The following RB1CC1 variants were observed in gnomAD, a reference collection of about 807,000 sequenced individuals.
RB1CC1 encodes the protein RB1-inducible coiled-coil protein 1.
RB1CC1 carries 46 observed loss-of-function variants against 177.5 expected under a neutral mutation model. The ratio of observed to expected loss-of-function variants is 0.26; its 90% CI spans 0.20 to 0.33. RB1CC1 has a LOEUF of 0.33. Among genes scored for constraint, RB1CC1 ranks in the 10% least tolerant of loss-of-function variants. The pLI, the probability that RB1CC1 is intolerant of heterozygous loss-of-function variation, is 1.00. For synonymous variants in RB1CC1, 666 were observed against 613.6 expected (o/e 1.09, Z -1.26); for missense variants, 1,703 against 1,816.3 (o/e 0.94, Z 1.13).
chr8:52,654,649 C>G (rs191361996), intron 15 of RB1CC1, among the ~76,000 whole-genome samples: 64 of 152,288 alleles, frequency 4.2e-4, no homozygotes, highest in Admixed American at 1.4e-3. Flanking sequence ...TTCAATCAGG[C>G]TCCTCTAGGC....
intron 1 of RB1CC1, among the ~76,000 whole-genome samples, chr8:52,698,236 C>T (rs1855630324): frequency 6.6e-6 from 1 of 151,994 alleles, no homozygotes; most frequent in African/African-American, 2.4e-5. Context: ...ACTACCATGC[C>T]CAGCTAATTT....
At chr8:52,704,637 G>A (rs1418415070) in intron 1 of RB1CC1, among the ~76,000 whole-genome samples, 1 of 151,974 alleles carries the variant, frequency 6.6e-6, no homozygotes, top group Non-Finnish European at 1.5e-5. Flanking sequence ...GCAACTTTGG[G>A]AATGCTTATT....
intron 1 of RB1CC1, among the ~76,000 whole-genome samples, chr8:52,691,299 T>G (rs17252559): frequency 0.085 from 12,898 of 152,162 alleles, 752 homozygotes; most frequent in South Asian, 0.25. Context: ...TGAGGGAAAC[T>G]CCAATAAGCT....
intron 1 of RB1CC1, among the ~76,000 whole-genome samples, chr8:52,702,900 G>C (rs1352859643): frequency 2.0e-5 from 3 of 152,032 alleles, no homozygotes; most frequent in Non-Finnish European, 4.4e-5. Flanking sequence ...TCTAGGGACA[G>C]GAAGTAACTC....
At chr8:52,632,204 T>C (rs1305504493) in intron 20 of RB1CC1, among the ~76,000 whole-genome samples, 1 of 152,142 alleles carries the variant, frequency 6.6e-6, no homozygotes, top group Non-Finnish European at 1.5e-5. Flanking sequence ...AACCAAGGTC[T>C]TTGAAGCTTG....
At chr8:52,643,919 A>C (rs935383631) in intron 16 of RB1CC1, among the ~76,000 whole-genome samples, 1 of 151,878 alleles carries the variant, frequency 6.6e-6, no homozygotes, top group African/African-American at 2.4e-5. Flanking sequence ...TTTTTAATAA[A>C]ATTTTAATAA....
Position 52,656,802 on chromosome 8 carries a change from G to C in RB1CC1, c.3027C>G (p.Asp1009Glu). ...HIQEFEKVMTDHRVSLEELKK... is the reference protein window; with the variant it reads ...HIQEFEKVMTEHRVSLEELKK... ...TTAATTCCTCCAAAGAAACTCTGTG[G>C]TCTGTCATAACCTTCTCAAACTCTT... is the stretch of plus-strand genomic sequence containing the variant. Residue 1009 changes from aspartate (D) to glutamate (E), a missense_variant, in exon 15 of 24, where the codon GAC becomes GAG. Around this residue, in one of 6 missense-constraint regions of RB1CC1, gnomAD observed 1,169 missense variants for 1,184.7 expected, o/e 0.99. Transcript: ENST00000025008. The C allele has an allele frequency of 6.2e-7, 1 of 1,613,742 alleles. No homozygotes were observed. Among genetic ancestry groups the C allele is most frequent in the Non-Finnish European group, 8.5e-7 (1 of 1,179,952 alleles).
At chr8:52,699,435 TA>T (rs1222015381) in intron 1 of RB1CC1, among the ~76,000 whole-genome samples, 3 of 152,112 alleles carry the variant, frequency 2.0e-5, no homozygotes, top group Non-Finnish European at 4.4e-5. Context: ...GACGTGATGA[TA>T]ACTGAATCAA....
intron 15 of RB1CC1, among the ~76,000 whole-genome samples, chr8:52,655,170 C>T (rs1159491593): frequency 6.6e-6 from 1 of 152,002 alleles, no homozygotes; most frequent in Non-Finnish European, 1.5e-5. Flanking sequence ...TAAAGAGCTT[C>T]TAATTTTAAG....
intron 1 of RB1CC1, among the ~76,000 whole-genome samples, chr8:52,696,879 T>TG (rs1387561596): frequency 6.6e-6 from 1 of 152,108 alleles, no homozygotes; most frequent in Non-Finnish European, 1.5e-5. Context: ...GGTGCACACC[T>TG]GTACTCCCAG....
At chr8:52,680,997 T>TTC (rs761526040) in intron 5 of RB1CC1, among the ~76,000 whole-genome samples, 1 of 146,316 alleles carries the variant, frequency 6.8e-6, no homozygotes, top group African/African-American at 2.5e-5. Flanking sequence ...TGTGTGTGTT[T>TTC]TTTTTTTTTT....
chr8:52,694,066 G>A (rs1258130143), intron 1 of RB1CC1, among the ~76,000 whole-genome samples: 3 of 152,134 alleles, frequency 2.0e-5, no homozygotes, highest in African/African-American at 7.2e-5. Flanking sequence ...GAAACATATA[G>A]AGGAGAACCT....
chr8:52,682,546 TTTC>T (rs1461774769), intron 5 of RB1CC1, among the ~76,000 whole-genome samples: 3 of 152,190 alleles, frequency 2.0e-5, no homozygotes, highest in Non-Finnish European at 4.4e-5. Flanking sequence ...CATTTTATCT[TTTC>T]TTTTTACTTT....
At chr8:52,709,405 A>C (rs1856869335) in intron 1 of RB1CC1, among the ~76,000 whole-genome samples, 3 of 152,168 alleles carry the variant, frequency 2.0e-5, no homozygotes, top group African/African-American at 7.2e-5. Flanking sequence ...GATAAAGTCA[A>C]TTATCCCAGC....
At position 52,657,923 on chromosome 8, in the gene RB1CC1, GAA is replaced by G; in HGVS notation, c.1921-17_1921-16del. 1 of 1,612,638 alleles carries G rather than the reference GAA, an allele frequency of 6.2e-7. No individual in the cohort carries two copies. Among genetic ancestry groups the G allele is most frequent in the Middle Eastern group, 1.7e-4 (1 of 6,056 alleles). ...CTCACAGATGCCTGGAAAACAGAAA[GAA>G]AGGCTTAAAGAGCTGCAGGAACACA... On this transcript the variant is annotated splice_polypyrimidine_tract_variant and intron_variant, in intron 14 of 23. Coordinates refer to ENST00000025008, the MANE Select transcript of RB1CC1 (RefSeq NM_014781.5).
intron 5 of RB1CC1, among the ~76,000 whole-genome samples, chr8:52,682,006 C>T (rs1853787666): frequency 2.0e-5 from 3 of 152,168 alleles, no homozygotes; most frequent in Admixed American, 2.0e-4. Flanking sequence ...TCACGGTCCT[C>T]CAGACCCCAG....
chr8:52,658,265 T>C (rs1423508779), intron 13 of RB1CC1, 141 bp from the exon 14 acceptor site: 2 of 1,057,234 alleles, frequency 1.9e-6, no homozygotes, highest in Non-Finnish European at 2.6e-6. Context: ...TTTTAAGAAG[T>C]TTGTGTCATA....
At chr8:52,662,766 A>G (rs532195404) in intron 8 of RB1CC1, among the ~76,000 whole-genome samples, 1 of 152,224 alleles carries the variant, frequency 6.6e-6, no homozygotes, top group South Asian at 2.1e-4. Flanking sequence ...AAAGGAAGAC[A>G]ATTTTCATAG....
At chr8:52,647,817 C>G (rs16918047) in intron 15 of RB1CC1, among the ~76,000 whole-genome samples, 4,458 of 152,098 alleles carry the variant, frequency 0.029, 248 homozygotes, top group African/African-American at 0.1. Context: ...AGAATGATAT[C>G]GTGTGAATCT....
Sources: gnomAD v4.1 joint callset for allele counts (sites outside exome capture counted in the v4.1 genomes callset) on GRCh38, gnomAD v4.1.1 for gene constraint, gnomAD v4.1.1 regional missense constraint, MANE v1.5 for transcripts, NCBI Gene and HGNC (gene_info 2026-07-23, HGNC 2026-07-21) for gene names.